Variants in NUMB observed in about 807,000 individuals in gnomAD.
NUMB encodes the protein protein numb homolog.
A neutral mutation model predicts 59.7 loss-of-function variants in NUMB; 29 were observed. That is an observed-to-expected ratio of 0.49 (90% CI 0.36 to 0.66). The LOEUF (loss-of-function observed/expected upper bound fraction) is 0.66. Ranked by LOEUF, NUMB falls within the 30% of genes least tolerant of loss-of-function variation. The pLI, the probability that NUMB is intolerant of heterozygous loss-of-function variation, is 0.00. For synonymous variants in NUMB, 288 were observed against 288.2 expected (o/e 1.00, Z 0.01); for missense variants, 723 against 822.0 (o/e 0.88, Z 1.47).
At chr14:73,359,349 T>G (rs767224139) in intron 3 of NUMB, among the ~76,000 whole-genome samples, 5 of 151,982 alleles carry the variant, frequency 3.3e-5, no homozygotes, top group Non-Finnish European at 5.9e-5. Context: ...CTCAAAACAG[T>G]AATAATAATA....
intron 1 of NUMB, among the ~76,000 whole-genome samples, chr14:73,454,282 A>T (rs547386535): frequency 7.9e-5 from 12 of 152,310 alleles, no homozygotes; most frequent in African/African-American, 2.9e-4. Context: ...ATTCTCTAGA[A>T]ATCAAAACCT....
chr14:73,434,233 T>C (rs979597684), intron 1 of NUMB, among the ~76,000 whole-genome samples: 4 of 152,206 alleles, frequency 2.6e-5, no homozygotes, highest in Admixed American at 2.0e-4. Context: ...AGCCAAACTA[T>C]CTAGGTTTGA....
intron 7 of NUMB, 104 bp downstream of exon 7, chr14:73,297,107 C>T (rs1003440586): frequency 4.3e-5 from 29 of 680,798 alleles, no homozygotes; most frequent in Non-Finnish European, 6.8e-5. Flanking sequence ...GTGGAGGTTG[C>T]GGTGGGCCGA....
At chr14:73,350,062 T>TACACAC (rs1394753470) in intron 4 of NUMB, among the ~76,000 whole-genome samples, 55 of 131,004 alleles carry the variant, frequency 4.2e-4, no homozygotes, top group African/African-American at 1.7e-3. Flanking sequence ...CATACATATA[T>TACACAC]ACATACATAC....
At chr14:73,437,015 T>C (rs1898082528) in intron 1 of NUMB, among the ~76,000 whole-genome samples, 1 of 150,950 alleles carries the variant, frequency 6.6e-6, no homozygotes, top group Non-Finnish European at 1.5e-5. Flanking sequence ...CTTAAATATA[T>C]TTGTACCTAT....
At chr14:73,329,612 GTATA>G (rs1298925045) in intron 4 of NUMB, among the ~76,000 whole-genome samples, 3 of 152,154 alleles carry the variant, frequency 2.0e-5, no homozygotes, top group Non-Finnish European at 2.9e-5. Flanking sequence ...TAAACACTCA[GTATA>G]TTTTAGACTT....
At position 73,275,727 on chromosome 14, in the gene NUMB, C is replaced by A. The variant is rs555153140; in HGVS notation, c.*851G>T. On this transcript the variant is annotated 3_prime_UTR_variant, in exon 13 of 13. Coordinates refer to ENST00000555238, the MANE Select transcript of NUMB (RefSeq NM_001005743.2). Reference sequence around the variant, plus strand: ...TCCTTTATTTAAAAAAAACTACAACCTAGTGACTGTATTGGTCATAAGCAT... The same window carrying A: ...TCCTTTATTTAAAAAAAACTACAACATAGTGACTGTATTGGTCATAAGCAT... 5.9e-5 allele frequency: 9 copies of A among 152,494 alleles called. No individual in the cohort carries two copies. The highest frequency in any genetic ancestry group is 1.3e-4 in the Non-Finnish European group (9 of 68,026). 9.4% of individuals were successfully genotyped at this position (152,494 alleles called of 1,614,324 possible). A position where few individuals can be genotyped will look rare whatever the true frequency, so the allele number is the denominator to read the frequency against.
chr14:73,305,910 C>G (rs932256765), intron 6 of NUMB, among the ~76,000 whole-genome samples: 1 of 152,110 alleles, frequency 6.6e-6, no homozygotes, highest in Non-Finnish European at 1.5e-5. Context: ...AATAAACAAA[C>G]GAGACTTTTT....
At chr14:73,434,267 A>G (rs1322853777) in intron 1 of NUMB, among the ~76,000 whole-genome samples, 1 of 152,184 alleles carries the variant, frequency 6.6e-6, no homozygotes, top group Non-Finnish European at 1.5e-5. Flanking sequence ...CACTTACTCT[A>G]TGATATTGGG....
At chr14:73,340,923 T>C (rs8019597) in intron 4 of NUMB, among the ~76,000 whole-genome samples, 35,332 of 152,064 alleles carry the variant, frequency 0.23, 4,168 homozygotes, top group Non-Finnish European at 0.25. Context: ...GTTCTCGTGA[T>C]AGTGAGTCTC....
At chr14:73,421,968 G>A (rs1234393278) in intron 1 of NUMB, among the ~76,000 whole-genome samples, 3 of 151,904 alleles carry the variant, frequency 2.0e-5, no homozygotes, top group Admixed American at 1.3e-4. Flanking sequence ...GTGAAACCCC[G>A]TCTCTACTAA....
At chr14:73,346,420 C>T (rs979129177) in intron 4 of NUMB, among the ~76,000 whole-genome samples, 45 of 149,862 alleles carry the variant, frequency 3.0e-4, no homozygotes, top group African/African-American at 1.0e-3. Context: ...GCAGAGGCTG[C>T]GGTGAACCGA....
At chr14:73,350,903 T>TACC (rs1328227411) in intron 4 of NUMB, among the ~76,000 whole-genome samples, 1 of 152,206 alleles carries the variant, frequency 6.6e-6, no homozygotes, top group Non-Finnish European at 1.5e-5. Context: ...TAGTCTAACC[T>TACC]ACCATTATCT....
chr14:73,316,268 C>A, intron 6 of NUMB, 122 bp downstream of exon 6: 3 of 780,098 alleles, frequency 3.8e-6, no homozygotes, highest in South Asian at 3.3e-5. Flanking sequence ...TTTCCATATA[C>A]AATCAAACCA....
At chr14:73,427,769 C>T (rs1475407031) in intron 1 of NUMB, among the ~76,000 whole-genome samples, 4 of 152,142 alleles carry the variant, frequency 2.6e-5, no homozygotes, top group East Asian at 1.9e-4. Context: ...TCACATCCCT[C>T]GGTATTTATA....
chr14:73,407,228 G>C (rs1896715262), intron 2 of NUMB, among the ~76,000 whole-genome samples: 1 of 151,970 alleles, frequency 6.6e-6, no homozygotes, highest in South Asian at 2.1e-4. Flanking sequence ...GAGATGAGCA[G>C]ATGGCTTGAG....
intron 1 of NUMB, among the ~76,000 whole-genome samples, chr14:73,429,577 T>G (rs917755939): frequency 1.3e-5 from 2 of 152,152 alleles, no homozygotes; most frequent in African/African-American, 4.8e-5. Flanking sequence ...CCAGTTGAAG[T>G]GCATGTGCAT....
chr14:73,294,673 ATGC>A (rs1430703118), intron 7 of NUMB, among the ~76,000 whole-genome samples: 1 of 150,570 alleles, frequency 6.6e-6, no homozygotes, highest in Non-Finnish European at 1.5e-5. Context: ...ACGCACCACC[ATGC>A]CCAGCGAATT....
At chr14:73,281,507 T>G (rs1888635430) in intron 11 of NUMB, 2 of 152,150 alleles carry the variant, frequency 1.3e-5, no homozygotes, top group African/African-American at 4.8e-5. Context: ...AGCAGGGCAC[T>G]ATCTCTGGAG....
Sources: allele counts gnomAD v4.1 joint callset (sites outside exome capture counted in the v4.1 genomes callset), GRCh38; gene constraint gnomAD v4.1.1; transcripts MANE v1.5; gene names NCBI Gene and HGNC (gene_info 2026-07-23, HGNC 2026-07-21).